BPI: variants seen among roughly 807,000 people sequenced by gnomAD.
BPI encodes bactericidal permeability increasing protein, also known as bactericidal permeability-increasing protein.
A neutral mutation model predicts 57.6 loss-of-function variants in BPI; 48 were observed. The observed-to-expected ratio is 0.83, with a 90% CI of 0.66 to 1.06. The LOEUF (loss-of-function observed/expected upper bound fraction) is 1.06. Among genes scored for constraint, BPI ranks in the 50% least tolerant of loss-of-function variants. The pLI, the probability that BPI is intolerant of heterozygous loss-of-function variation, is 0.00. For synonymous variants in BPI, 237 were observed against 238.2 expected (o/e 0.99, Z 0.05); for missense variants, 651 against 609.7 (o/e 1.07, Z -0.71).
chr20:38,311,739 A>G (rs2076622870), intron 4 of BPI, 135 bp from the exon 5 acceptor site: 2 of 738,550 alleles, frequency 2.7e-6, no homozygotes, highest in African/African-American at 1.7e-5. Flanking sequence ...GGGTGTGTGC[A>G]GTTAGAGCTC....
At chr20:38,312,737 T>A (rs1600700399) in intron 5 of BPI, among the ~76,000 whole-genome samples, 1 of 149,828 alleles carries the variant, frequency 6.7e-6, no homozygotes, top group East Asian at 1.9e-4. Flanking sequence ...AGGTGGAAGA[T>A]GTTGGTTTCC....
chr20:38,320,089 C>T (rs1600705527), intron 6 of BPI, 94 bp from the exon 7 acceptor site: 2 of 1,100,680 alleles, frequency 1.8e-6, no homozygotes, highest in East Asian at 2.4e-5. Context: ...CACTGCAGCT[C>T]TTGATTCAAT....
chr20:38,334,609 C>T, intron 13 of BPI, 116 bp downstream of exon 13: 2 of 1,016,560 alleles, frequency 2.0e-6, no homozygotes, highest in Non-Finnish European at 3.1e-6. Flanking sequence ...GTGGTGATGT[C>T]AAGTGAACTT....
chr20:38,318,363 A>C (rs772564423), intron 5 of BPI, 50 bp from the exon 6 acceptor site: 3 of 1,561,170 alleles, frequency 1.9e-6, no homozygotes, highest in Non-Finnish European at 2.7e-6. Flanking sequence ...GTCAAGGGAC[A>C]TTTTTCACTA....
At chr20:38,314,784 A>G (rs1253530112) in intron 5 of BPI, among the ~76,000 whole-genome samples, 2 of 131,930 alleles carry the variant, frequency 1.5e-5, no homozygotes, top group South Asian at 2.7e-4. Flanking sequence ...GATGATGATG[A>G]TGGTGGTATG....
intron 7 of BPI, among the ~76,000 whole-genome samples, chr20:38,323,565 G>C (rs1248157488): frequency 6.6e-6 from 1 of 152,218 alleles, no homozygotes; most frequent in Non-Finnish European, 1.5e-5. Context: ...TTGGAGGCCT[G>C]GGTTCAATTT....
At chr20:38,325,430 G>T (rs1419652918) in intron 9 of BPI, among the ~76,000 whole-genome samples, 1 of 152,182 alleles carries the variant, frequency 6.6e-6, no homozygotes, top group Admixed American at 6.6e-5. Context: ...TCTCTTCCTG[G>T]CTTGTAGACT....
intron 9 of BPI, among the ~76,000 whole-genome samples, chr20:38,325,507 C>T (rs1225321373): frequency 3.3e-5 from 5 of 152,146 alleles, no homozygotes; most frequent in Non-Finnish European, 7.4e-5. Flanking sequence ...GGAGAGAGCT[C>T]TCTGGTGTCT....
At chr20:38,330,989 T>C in intron 11 of BPI, 59 bp from the exon 12 acceptor site, 1 of 1,587,612 alleles carries the variant, frequency 6.3e-7, no homozygotes, top group Non-Finnish European at 8.6e-7. Context: ...CTCTAGAGAC[T>C]GGGTTCTCAT....
intron 8 of BPI, among the ~76,000 whole-genome samples, 189 bp downstream of exon 8, chr20:38,324,235 T>C (rs1452672855): frequency 6.6e-6 from 1 of 152,206 alleles, no homozygotes; most frequent in Non-Finnish European, 1.5e-5. Context: ...TCAATTACTG[T>C]ACCTCTCAGA....
At chr20:38,332,218 G>C (rs1316637541) in intron 12 of BPI, among the ~76,000 whole-genome samples, 2 of 152,196 alleles carry the variant, frequency 1.3e-5, no homozygotes, top group African/African-American at 4.8e-5. Flanking sequence ...CAGGCAGTGA[G>C]AAGCCGGTGC....
In BPI at chr20:38,312,738, G is replaced by A. The variant is rs1045374136; in HGVS notation, c.600+801G>A. On this transcript the variant is annotated intron_variant, in intron 5 of 14. Coordinates refer to ENST00000642449, the MANE Select transcript of BPI (RefSeq NM_001725.3). ...TCATGCGGTCTTCTAGGTGGAAGAT[G>A]TTGGTTTCCTTGTTAAAGACACTGA... 7.4e-5 allele frequency among the ~76,000 whole-genome samples: 11 copies of A among 149,362 alleles called. No homozygotes were observed. The South Asian group carries it at 1.3e-3, about 18-fold the overall frequency.
intron 5 of BPI, among the ~76,000 whole-genome samples, chr20:38,316,183 C>CCTTTCTT (rs2076651274): frequency 6.6e-6 from 1 of 152,042 alleles, no homozygotes; most frequent in Non-Finnish European, 1.5e-5. Context: ...TCCTTTTCTC[C>CCTTTCTT]CTTTCTTCCT....
intron 13 of BPI, among the ~76,000 whole-genome samples, chr20:38,334,890 G>T (rs1305852467): frequency 6.6e-6 from 1 of 152,122 alleles, no homozygotes; most frequent in Non-Finnish European, 1.5e-5. Flanking sequence ...TTGGAAGCAG[G>T]ATGAGGGGGT....
Position 38,308,923 on chromosome 20 carries a change from T to A in BPI, c.246-7T>A. The A allele has an allele frequency of 6.2e-7, 1 of 1,614,164 alleles. No homozygotes were observed. Among genetic ancestry groups the A allele is most frequent in the Non-Finnish European group, 8.5e-7 (1 of 1,179,988 alleles). ...AATTATATGACATTCACATTTCTCCTTTGCAGCATGGACATCCGTGAATTC... is the reference window on the plus strand; with the variant it reads ...AATTATATGACATTCACATTTCTCCATTGCAGCATGGACATCCGTGAATTC... On this transcript the variant is annotated splice_polypyrimidine_tract_variant and splice_region_variant and intron_variant, in intron 2 of 14. Transcript: ENST00000642449.
chr20:38,307,977 A>G (rs2076604973), intron 2 of BPI, among the ~76,000 whole-genome samples: 1 of 152,236 alleles, frequency 6.6e-6, no homozygotes, highest in Non-Finnish European at 1.5e-5. Flanking sequence ...GGCAGAATGC[A>G]TTGGCTCACA....
intron 5 of BPI, among the ~76,000 whole-genome samples, chr20:38,313,254 A>G (rs1405464167): frequency 6.6e-6 from 1 of 152,014 alleles, no homozygotes; most frequent in Non-Finnish European, 1.5e-5. Context: ...ATGGTGATAC[A>G]TGCCTGTAAT....
At chr20:38,312,409 G>A (rs745418709) in intron 5 of BPI, among the ~76,000 whole-genome samples, 12 of 152,234 alleles carry the variant, frequency 7.9e-5, no homozygotes, top group Non-Finnish European at 1.6e-4. Context: ...ACAAGAGACG[G>A]GTATCAGCCA....
At chr20:38,312,775 G>A (rs1355245892) in intron 5 of BPI, among the ~76,000 whole-genome samples, 3 of 152,174 alleles carry the variant, frequency 2.0e-5, no homozygotes, top group Non-Finnish European at 4.4e-5. Context: ...AATACAGATG[G>A]GGGGCATCAA....
Sources: gnomAD v4.1 joint callset for allele counts (sites outside exome capture counted in the v4.1 genomes callset) on GRCh38, gnomAD v4.1.1 for gene constraint, MANE v1.5 for transcripts, NCBI Gene and HGNC (gene_info 2026-07-23, HGNC 2026-07-21) for gene names.